The following GLB1L3 variants were observed in gnomAD, a reference collection of about 807,000 sequenced individuals.
The protein encoded by GLB1L3 is beta-galactosidase-1-like protein 3.
In GLB1L3, 89 loss-of-function variants were observed where a neutral mutation model predicts 89.5. The observed-to-expected ratio is 0.99, with a 90% CI of 0.84 to 1.19. The LOEUF (loss-of-function observed/expected upper bound fraction) is 1.19, where lower values mean the gene tolerates loss of function less well. Ranked by LOEUF, GLB1L3 falls within the 50% of genes most tolerant of loss-of-function variation. The probability of loss-of-function intolerance (pLI) is 0.00; values close to 1 mark genes in which losing one functional copy is unlikely to be tolerated. For synonymous variants in GLB1L3, 314 were observed against 312.3 expected (o/e 1.01, Z -0.06); for missense variants, 812 against 813.3 (o/e 1.00, Z 0.02).
At chr11:134,288,632 A>T (rs1941153167) in intron 6 of GLB1L3, among the ~76,000 whole-genome samples, 166 bp from the exon 7 acceptor site, 1 of 152,014 alleles carries the variant, frequency 6.6e-6, no homozygotes, top group Non-Finnish European at 1.5e-5. Context: ...CAGCCAAGTG[A>T]CCCAGCAGAC....
At chr11:134,296,860 AAT>A (rs1941679725) in intron 9 of GLB1L3, among the ~76,000 whole-genome samples, 1 of 131,200 alleles carries the variant, frequency 7.6e-6, no homozygotes, top group African/African-American at 2.8e-5. Context: ...TAATAATAAT[AAT>A]AAAAACAAAC....
chr11:134,283,036 G>A (rs909466143), intron 5 of GLB1L3, among the ~76,000 whole-genome samples: 1 of 152,186 alleles, frequency 6.6e-6, no homozygotes. Flanking sequence ...ATGTGACACT[G>A]TGCCTAAGGA....
chr11:134,286,627 A>C (rs1166306974), intron 6 of GLB1L3, among the ~76,000 whole-genome samples: 2 of 151,106 alleles, frequency 1.3e-5, no homozygotes, highest in African/African-American at 4.9e-5. Flanking sequence ...AATAGAAAAA[A>C]TTAGCCGGGC....
chr11:134,292,707 C>A (rs1027916956), intron 8 of GLB1L3: 3 of 273,336 alleles, frequency 1.1e-5, no homozygotes, highest in Admixed American at 5.0e-5. Context: ...TGGACGGACT[C>A]ATCAGATGGC....
the GLB1L3 span, among the ~76,000 whole-genome samples, chr11:134,325,295 A>G: frequency 6.6e-6 from 1 of 152,148 alleles, no homozygotes; most frequent in Non-Finnish European, 1.5e-5. Flanking sequence ...ACCATCTACT[A>G]TGGATACCGA....
chr11:134,311,238 A>G (rs555268294), intron 13 of GLB1L3, 68 bp downstream of exon 13: 21 of 1,150,124 alleles, frequency 1.8e-5, no homozygotes, highest in Non-Finnish European at 2.8e-5. Flanking sequence ...TCCTTCAGGA[A>G]ACTTTTTATT....
the GLB1L3 span, among the ~76,000 whole-genome samples, chr11:134,324,857 TATAAC>T: frequency 3.9e-3 from 591 of 152,032 alleles, 8 homozygotes; most frequent in Non-Finnish European, 6.5e-3. Context: ...AAAATTGTGA[TATAAC>T]ATAATCTTTA....
At chr11:134,292,992 G>T in intron 8 of GLB1L3, 153 bp from the exon 9 acceptor site, 1 of 678,982 alleles carries the variant, frequency 1.5e-6, no homozygotes, top group Non-Finnish European at 2.7e-6. Flanking sequence ...GCAGCCCTTT[G>T]GATGTGGCAG....
chr11:134,308,760 A>G (rs1942571630), intron 10 of GLB1L3, among the ~76,000 whole-genome samples: 2 of 152,126 alleles, frequency 1.3e-5, no homozygotes, highest in Admixed American at 1.3e-4. Context: ...ATATTACCTC[A>G]TCAATGAATT....
At chr11:134,312,510 G>T in intron 14 of GLB1L3, 21 bp downstream of exon 14, 1 of 1,607,576 alleles carries the variant, frequency 6.2e-7, no homozygotes. Flanking sequence ...CAGGCTGTCT[G>T]TGTGGGAAGC....
chr11:134,315,095 C>A (rs767863359), intron 18 of GLB1L3, among the ~76,000 whole-genome samples: 26 of 152,158 alleles, frequency 1.7e-4, no homozygotes, highest in Non-Finnish European at 3.7e-4. Context: ...TCATACAGGG[C>A]ATCTTTTTTA....
At chr11:134,280,028 A>G (rs963035722) in intron 3 of GLB1L3, among the ~76,000 whole-genome samples, 12 of 151,902 alleles carry the variant, frequency 7.9e-5, no homozygotes, top group Non-Finnish European at 1.5e-5. Context: ...TCCTTCAAAG[A>G]TATGAATGTT....
In GLB1L3 at chr11:134,307,161, G is replaced by T. The variant is rs1173979809; in HGVS notation, c.914G>T (p.Gly305Val). 1.2e-6 allele frequency: 2 copies of T among 1,613,600 alleles called. No individual in the cohort carries two copies. The highest frequency in any genetic ancestry group is 1.7e-6 in the Non-Finnish European group (2 of 1,179,756). Residue 305 changes from glycine to valine, a missense_variant, in exon 10 of 20, where the codon GGC becomes GTC. Gly to Val is a moderately radical substitution (Grantham distance 109). Transcript: ENST00000431683. ...CTTCTGATTATGGAATACTGGGTCG[G>T]CTGGTTCGACAGATGGGGAGATAAG... ...KPLLIMEYWVGWFDRWGDKHH... is the reference protein window; with the variant it reads ...KPLLIMEYWVVWFDRWGDKHH...
intron 1 of GLB1L3, 82 bp from the exon 2 acceptor site, chr11:134,277,244 G>C: frequency 6.3e-7 from 1 of 1,588,584 alleles, no homozygotes; most frequent in Non-Finnish European, 8.6e-7. Context: ...CCTCTAAAGC[G>C]CCCCCGGCAC....
chr11:134,283,356 G>A (rs117880051), intron 5 of GLB1L3, among the ~76,000 whole-genome samples: 2,561 of 152,174 alleles, frequency 0.017, 41 homozygotes, highest in Non-Finnish European at 0.023. Context: ...GAATCACCGC[G>A]CCTGACCAAA....
intron 14 of GLB1L3, 140 bp from the exon 15 acceptor site, chr11:134,312,676 C>T (rs1942795078): frequency 9.4e-6 from 9 of 961,802 alleles, no homozygotes; most frequent in East Asian, 5.2e-5. Context: ...CTCTTGGGGC[C>T]TCCAGGCAGC....
chr11:134,284,910 G>A (rs1940897414), intron 6 of GLB1L3, among the ~76,000 whole-genome samples: 1 of 148,996 alleles, frequency 6.7e-6, no homozygotes, highest in Admixed American at 6.7e-5. Context: ...AAGAACACAG[G>A]TGCCATGCAT....
At chr11:134,279,942 T>G (rs1940598408) in intron 3 of GLB1L3, among the ~76,000 whole-genome samples, 1 of 152,056 alleles carries the variant, frequency 6.6e-6, no homozygotes, top group Non-Finnish European at 1.5e-5. Context: ...CTCAGTTTCC[T>G]CCTCCTCCTT....
intron 16 of GLB1L3, 150 bp from the exon 17 acceptor site, chr11:134,313,791 T>G: frequency 1.5e-6 from 1 of 655,930 alleles, no homozygotes; most frequent in South Asian, 1.8e-5. Context: ...GCTAGAACCC[T>G]TCAGTCACAG....
Sources: allele counts gnomAD v4.1 joint callset (sites outside exome capture counted in the v4.1 genomes callset), GRCh38; gene constraint gnomAD v4.1.1; transcripts MANE v1.5; gene names NCBI Gene and HGNC (gene_info 2026-07-23, HGNC 2026-07-21).